Variants in CDCP2 observed in about 807,000 individuals in gnomAD.
The protein encoded by CDCP2 is CUB domain-containing protein 2.
A neutral mutation model predicts 31.0 loss-of-function variants in CDCP2; 31 were observed. The observed-to-expected ratio is 1.00, with a 90% CI of 0.75 to 1.35. CDCP2 has a LOEUF of 1.35. Among genes scored for constraint, CDCP2 ranks in the 40% most tolerant of loss-of-function variants. CDCP2 has a pLI of 0.00. For synonymous variants in CDCP2, 206 were observed against 207.9 expected, an observed-to-expected ratio of 0.99 and a Z score of 0.08; for missense variants, 443 against 482.6, an observed-to-expected ratio of 0.92 and a Z score of 0.77.
In CDCP2 at chr1:54,139,845, G is replaced by T. The variant is rs201444010; in HGVS notation, c.1025C>A (p.Pro342Gln). Residue 342 changes from proline to glutamine, a missense_variant, in exon 4 of 6, where the codon CCA becomes CAA. Physicochemically the swap from Pro to Gln is moderately conservative, Grantham distance 76. Coordinates refer to ENST00000530059, the Ensembl canonical transcript of CDCP2. ...CTGGTTGTGGCTTGAGGTCACGGGTGGTGGCAGGTGGTGTCCACACCAATT... is the reference window on the plus strand; with the variant it reads ...CTGGTTGTGGCTTGAGGTCACGGGTTGTGGCAGGTGGTGTCCACACCAATT... 3 of 1,614,070 alleles carry T rather than the reference G, an allele frequency of 1.9e-6. No individual in the cohort carries two copies. In the East Asian group the frequency reaches 6.7e-5, roughly 36 times the overall value.
chr1:54,148,473 C>G (rs1456739862), intron 1 of CDCP2, among the ~76,000 whole-genome samples: 1 of 150,406 alleles, frequency 6.6e-6, no homozygotes, highest in Non-Finnish European at 1.5e-5. Context: ...CTAACAAACC[C>G]TGAACCCACT....
intron 1 of CDCP2, among the ~76,000 whole-genome samples, chr1:54,149,437 G>T (rs1184623527): frequency 6.7e-6 from 1 of 149,474 alleles, no homozygotes; most frequent in African/African-American, 2.6e-5. Context: ...GCAGAAGGTT[G>T]ATAATTATTG....
chr1:54,136,976 G>A (rs931066110), intron 4 of CDCP2, among the ~76,000 whole-genome samples, 168 bp from the exon 5 acceptor site: 2 of 152,184 alleles, frequency 1.3e-5, no homozygotes, highest in Non-Finnish European at 2.9e-5. Flanking sequence ...TATCTTATAC[G>A]GGTTACTCTG....
chr1:54,144,429 GAGCCACTGCAAC>G, intron 2 of CDCP2, 25 bp downstream of exon 2: 1 of 1,518,192 alleles, frequency 6.6e-7, no homozygotes, highest in South Asian at 1.3e-5. Context: ...TTACAGGTGT[GAGCCACTGCAAC>G]AGGTCCCTAA....
chr1:54,142,627 G>T (rs1659393796), intron 2 of CDCP2: 1 of 152,266 alleles, frequency 6.6e-6, no homozygotes, highest in Non-Finnish European at 1.5e-5. Flanking sequence ...TGGCACGGCT[G>T]TGTGACCAGG....
intron 2 of CDCP2, chr1:54,143,546 T>C (rs1381936078): frequency 4.6e-5 from 7 of 152,174 alleles, no homozygotes; most frequent in Non-Finnish European, 4.4e-5. Flanking sequence ...CCTAACATTC[T>C]ACAAATCTAA....
At chr1:54,136,321 G>A (rs769045109) in intron 5 of CDCP2, among the ~76,000 whole-genome samples, 2 of 152,202 alleles carry the variant, frequency 1.3e-5, no homozygotes, top group Non-Finnish European at 2.9e-5. Context: ...AGGAGTGACC[G>A]GTAGCGTCTT....
chr1:54,152,271 A>G (rs1016741021), intron 1 of CDCP2, among the ~76,000 whole-genome samples: 2 of 152,070 alleles, frequency 1.3e-5, no homozygotes, highest in African/African-American at 2.4e-5. Flanking sequence ...CGAGACCAGC[A>G]TGACCAACAT....
In CDCP2 at chr1:54,134,656, C is replaced by T. The variant is rs17109868; in HGVS notation, c.1297-1362G>A. On this transcript the variant is annotated intron_variant, in intron 5 of 5. Coordinates refer to ENST00000530059, the Ensembl canonical transcript of CDCP2. ...AGTAGGAAGTCCCCAGCACCAGAGA[C>T]TGGGTGACCCTTTTGGGGAAGGGTT... 3.0e-3 allele frequency among the ~76,000 whole-genome samples: 463 copies of T among 152,330 alleles called. 5 individuals carry two copies. Among genetic ancestry groups the T allele is most frequent in the African/African-American group, 0.011 (445 of 41,564 alleles).
chr1:54,147,175 A>G (rs1387336692), intron 1 of CDCP2, among the ~76,000 whole-genome samples: 1 of 151,198 alleles, frequency 6.6e-6, no homozygotes. Flanking sequence ...AAAGAGAGTA[A>G]TGCTTGCAGT....
chr1:54,139,426 A>C (rs964338882), intron 4 of CDCP2: 18 of 997,104 alleles, frequency 1.8e-5, no homozygotes, highest in Non-Finnish European at 2.6e-5. Context: ...TATTTTGTCT[A>C]TTTCCCCTGG....
chr1:54,149,921 G>C (rs187216541), intron 1 of CDCP2, among the ~76,000 whole-genome samples: 2 of 152,228 alleles, frequency 1.3e-5, no homozygotes, highest in Non-Finnish European at 2.9e-5. Flanking sequence ...AACTGAGCCC[G>C]GGAAAGGGAA....
At chr1:54,151,099 G>C (rs1350048107) in intron 1 of CDCP2, among the ~76,000 whole-genome samples, 3 of 152,214 alleles carry the variant, frequency 2.0e-5, no homozygotes, top group Non-Finnish European at 4.4e-5. Context: ...GGTGATATTT[G>C]AGTTTGTCTA....
At chr1:54,148,567 T>C (rs182281426) in intron 1 of CDCP2, among the ~76,000 whole-genome samples, 1 of 151,464 alleles carries the variant, frequency 6.6e-6, no homozygotes, top group East Asian at 1.9e-4. Context: ...TCTCAGGAAG[T>C]CTCTGGATCT....
intron 5 of CDCP2, among the ~76,000 whole-genome samples, chr1:54,135,919 GC>G (rs890821667): frequency 2.6e-5 from 4 of 152,148 alleles, no homozygotes; most frequent in African/African-American, 7.2e-5. Context: ...TCCAACAGAG[GC>G]CACTGTTCCT....
Position 54,139,652 on chromosome 1 carries a change from G to GGT in CDCP2, c.1117+100_1117+101insAC. ...GCTGGAGAAGACCATTCATGGGGGGGGCAGGACAAACTGGTGGGATGGAGG... is the reference window on the plus strand; with the variant it reads ...GCTGGAGAAGACCATTCATGGGGGGGGTGCAGGACAAACTGGTGGGATGGAGG... On this transcript the variant is annotated intron_variant, in intron 4 of 5. Transcript: ENST00000530059. 1.9e-6 allele frequency: 3 copies of GGT among 1,613,434 alleles called. 1 individual carries two copies. The highest frequency in any genetic ancestry group is 2.2e-5 in the South Asian group (2 of 90,932).
chr1:54,138,471 G>T (rs1659298938), intron 4 of CDCP2: 1 of 152,234 alleles, frequency 6.6e-6, no homozygotes, highest in African/African-American at 2.4e-5. Context: ...CTCCATTCCT[G>T]GCCCCAACTC....
chr1:54,140,214 C>T (rs1197541867), intron 3 of CDCP2, 108 bp from the exon 4 acceptor site: 3 of 991,738 alleles, frequency 3.0e-6, no homozygotes, highest in Non-Finnish European at 4.7e-6. Context: ...CAAAAACCAC[C>T]AGCAGGTTGT....
chr1:54,151,624 A>T (rs1659585788), intron 1 of CDCP2, among the ~76,000 whole-genome samples: 1 of 152,148 alleles, frequency 6.6e-6, no homozygotes, highest in Admixed American at 6.5e-5. Context: ...ATGGGTTGAG[A>T]TGCTTGGGTG....
Sources: gnomAD v4.1 joint callset for allele counts (sites outside exome capture counted in the v4.1 genomes callset) on GRCh38, gnomAD v4.1.1 for gene constraint, MANE v1.5 for transcripts, NCBI Gene and HGNC (gene_info 2026-07-23, HGNC 2026-07-21) for gene names.